GUSB: variants seen among roughly 807,000 people sequenced by gnomAD.
GUSB encodes beta-glucuronidase.
In GUSB, 51 loss-of-function variants were observed where a neutral mutation model predicts 74.6. That is an observed-to-expected ratio of 0.68 (90% confidence interval 0.55 to 0.86). The LOEUF is 0.86. Among genes scored for constraint, GUSB ranks in the 40% least tolerant of loss-of-function variants. GUSB has a pLI of 0.00. For synonymous variants in GUSB, 360 were observed against 348.3 expected, an observed-to-expected ratio of 1.03 and a Z score of -0.37; for missense variants, 736 against 853.7, an observed-to-expected ratio of 0.86 and a Z score of 1.72.
At chr7:65,973,639 C>T (rs1214047802) in intron 8 of GUSB, among the ~76,000 whole-genome samples, 6 of 152,122 alleles carry the variant, frequency 3.9e-5, no homozygotes, top group Admixed American at 1.3e-4. Flanking sequence ...TGCCTGTAAT[C>T]CCAGCTACTC....
chr7:65,977,324 A>G (rs189914667), intron 4 of GUSB, among the ~76,000 whole-genome samples: 12 of 152,156 alleles, frequency 7.9e-5, no homozygotes, highest in African/African-American at 2.9e-4. Flanking sequence ...TTGCAGGCTC[A>G]CACCACAATG....
chr7:65,975,970 T>G (rs1791542582), intron 5 of GUSB, 45 bp downstream of exon 5: 1 of 1,552,112 alleles, frequency 6.4e-7, no homozygotes. Context: ...GGTCACCACA[T>G]GGGGGCAAAA....
In GUSB at chr7:65,971,431, C is replaced by T. The variant is rs567851822; in HGVS notation, c.1392-1065G>A. On this transcript the variant is annotated intron_variant, in intron 8 of 11. Transcript: ENST00000304895. ...ACATAGCAAGACCTTGTTTCTACAACAAATTTAAAAATTAGGGGCGGGCAT... is the reference window on the plus strand; with the variant it reads ...ACATAGCAAGACCTTGTTTCTACAATAAATTTAAAAATTAGGGGCGGGCAT... 4.6e-5 allele frequency among the ~76,000 whole-genome samples: 7 copies of T among 151,488 alleles called. No homozygotes were observed. In the East Asian group the frequency reaches 7.9e-4, roughly 17 times the overall value.
chr7:65,978,645 G>A lies in GUSB; in HGVS notation c.724+754C>T, dbSNP rs1274455539. Among the ~76,000 whole-genome samples, 3 of 150,506 alleles carry A rather than the reference G, an allele frequency of 2.0e-5. No individual in the cohort carries two copies. The Admixed American group carries it at 2.0e-4, about 10-fold the overall frequency. ...AAATTAGCCGGGCGTGGTGGCGGGT[G>A]CCTATAATCCCAGTTACTCGGGAGG... On this transcript the variant is annotated intron_variant, in intron 4 of 11. Transcript: ENST00000304895.
rs1164096138 is a variant in GUSB, at chr7:65,979,447, T to G, written c.676A>C (p.Thr226Pro). 1.2e-6 allele frequency: 2 copies of G among 1,613,818 alleles called. No individual in the cohort carries two copies. The highest frequency in any genetic ancestry group is 2.7e-5 in the African/African-American group (2 of 74,896). ...GTGACGGTGATGTCATCGATGTAGG[T>G]GGTGGGTGTCGTGTACAGAAGTACA... ...RSVLLYTTPT[T>P]YIDDITVTTS... Residue 226 changes from threonine (T) to proline (P), a missense_variant, in exon 4 of 12, where the codon ACC becomes CCC. Around this residue, in one of 2 missense-constraint regions of GUSB, gnomAD observed 368 missense variants for 363.8 expected, o/e 1.01. Transcript: ENST00000304895.
At chr7:65,972,359 A>C (rs1791270438) in intron 8 of GUSB, among the ~76,000 whole-genome samples, 1 of 152,018 alleles carries the variant, frequency 6.6e-6, no homozygotes, top group East Asian at 1.9e-4. Flanking sequence ...ACAGGGTTTC[A>C]ATATCTGTTG....
At chr7:65,963,001 G>A (rs1402612030) in intron 11 of GUSB, among the ~76,000 whole-genome samples, 2 of 152,002 alleles carry the variant, frequency 1.3e-5, no homozygotes, top group Non-Finnish European at 2.9e-5. Flanking sequence ...TGGCATTACA[G>A]GCATGCGCTA....
At chr7:65,964,279 A>T (rs747051457) in intron 11 of GUSB, 44 bp downstream of exon 11, 2 of 1,571,384 alleles carry the variant, frequency 1.3e-6, no homozygotes, top group South Asian at 2.2e-5. Context: ...AACCTGAAAA[A>T]ATGAGGACGG....
At chr7:65,964,127 C>T (rs1790676217) in intron 11 of GUSB, 196 bp downstream of exon 11, 7 of 639,392 alleles carry the variant, frequency 1.1e-5, no homozygotes, top group East Asian at 8.8e-5. Flanking sequence ...ATTTGGGAGG[C>T]GGGGGCCTGA....
chr7:65,969,966 AG>A (rs1304492437), intron 9 of GUSB, among the ~76,000 whole-genome samples: 1 of 152,202 alleles, frequency 6.6e-6, no homozygotes, highest in African/African-American at 2.4e-5. Flanking sequence ...CTGCCTGGCG[AG>A]TAAGCAGGGG....
chr7:65,961,007 T>C lies in GUSB; in HGVS notation c.1846A>G (p.Lys616Glu). 6.2e-7 allele frequency: 1 copy of C among 1,613,948 alleles called. No individual in the cohort carries two copies. The highest frequency in any genetic ancestry group is 8.5e-7 in the Non-Finnish European group (1 of 1,179,944). The stretch of plus-strand genomic sequence containing the variant: ...TCTCGCAAAAGGAACGCTGCACTTT[T>C]TGGTTGTCTCTGCCGAGTGAAGATC... ...KGIFTRQRQPKSAAFLLRERY... is the reference protein window; with the variant it reads ...KGIFTRQRQPESAAFLLRERY... Residue 616 changes from lysine to glutamate, a missense_variant, in exon 12 of 12, where the codon AAA becomes GAA. Around this residue, in one of 2 missense-constraint regions of GUSB, gnomAD observed 368 missense variants for 489.9 expected, o/e 0.75. Coordinates refer to ENST00000304895, the MANE Select transcript of GUSB (RefSeq NM_000181.4).
rs1790435602 is a variant in GUSB, at chr7:65,960,855, T to C, written c.*42A>G. 4 of 1,578,516 alleles carry C rather than the reference T, an allele frequency of 2.5e-6. No homozygotes were observed. Reference sequence around the variant, plus strand: ...TGTTCTGCTGCTGTGGAAGTCGCCCTGACTCGGGGAGGAAGGGACACGCAG... The same window carrying C: ...TGTTCTGCTGCTGTGGAAGTCGCCCCGACTCGGGGAGGAAGGGACACGCAG... On this transcript the variant is annotated 3_prime_UTR_variant, in exon 12 of 12. Transcript: ENST00000304895.
intron 4 of GUSB, among the ~76,000 whole-genome samples, chr7:65,977,332 A>G (rs941348697): frequency 1.3e-5 from 2 of 152,022 alleles, no homozygotes; most frequent in African/African-American, 4.8e-5. Flanking sequence ...TCACACCACA[A>G]TGTCCAGCTA....
At chr7:65,980,000 G>T in intron 2 of GUSB, 89 bp from the exon 3 acceptor site, 1 of 1,150,646 alleles carries the variant, frequency 8.7e-7, no homozygotes, top group Non-Finnish European at 1.2e-6. Flanking sequence ...ATAACCTGCA[G>T]CATGGGGCTC....
intron 11 of GUSB, among the ~76,000 whole-genome samples, chr7:65,962,593 C>G (rs1790568424): frequency 6.6e-6 from 1 of 152,110 alleles, no homozygotes; most frequent in African/African-American, 2.4e-5. Context: ...CGAGTTTCAG[C>G]TGGCCATGGT....
At position 65,979,782 on chromosome 7, in the gene GUSB, G is replaced by A. The variant is rs121918181; in HGVS notation, c.526C>T (p.Leu176Phe). 4.8e-5 allele frequency: 77 copies of A among 1,613,708 alleles called. No individual in the cohort carries two copies. Among genetic ancestry groups the A allele is most frequent in the Non-Finnish European group, 5.8e-5 (69 of 1,179,998 alleles). Reference protein sequence around the residue: ...LRITIAINNTLTPTTLPPGTI... With the variant: ...LRITIAINNTFTPTTLPPGTI... ...CCTGGTGGCAGGGTGGTGGGGGTGA[G>A]TGTGTTGTTGATGGCGATAGTGATT... Residue 176 changes from leucine to phenylalanine, a missense_variant, in exon 3 of 12, where the codon CTC (leucine) becomes TTC (phenylalanine). By Grantham distance (22) the Leu-to-Phe change is conservative. Transcript: ENST00000304895.
intron 5 of GUSB, 53 bp downstream of exon 5, chr7:65,975,962 T>G (rs763334776): frequency 6.7e-7 from 1 of 1,499,364 alleles, no homozygotes; most frequent in South Asian, 1.2e-5. Flanking sequence ...GAAGCCAGGG[T>G]CACCACATGG....
chr7:65,968,442 C>T lies in GUSB; in HGVS notation c.1477-535G>A, dbSNP rs377496989. On this transcript the variant is annotated intron_variant, in intron 9 of 11. Transcript: ENST00000304895. ...CTGTGAGAGGCACAGCAGCTGCCAA[C>T]GCACAGCCCTCAGCCAAAGCCCAGG... Among the ~76,000 whole-genome samples the T allele has an allele frequency of 2.5e-4, 38 of 152,240 alleles. 1 individual carries two copies. In the East Asian group the frequency reaches 6.0e-3, roughly 24 times the overall value.
intron 2 of GUSB, 40 bp downstream of exon 2, chr7:65,980,184 T>TCAC: frequency 2.8e-6 from 2 of 720,096 alleles, no homozygotes; most frequent in South Asian, 1.6e-5. Context: ...TCAGCAGCCG[T>TCAC]GCCCCCCCAC....
Sources: gnomAD v4.1 joint callset for allele counts (sites outside exome capture counted in the v4.1 genomes callset) on GRCh38, gnomAD v4.1.1 for gene constraint, gnomAD v4.1.1 regional missense constraint, MANE v1.5 for transcripts, NCBI Gene and HGNC (gene_info 2026-07-23, HGNC 2026-07-21) for gene names.